Variants in SCLT1 observed in about 807,000 individuals in gnomAD.
SCLT1 encodes the protein sodium channel and clathrin linker 1.
SCLT1 carries 78 observed loss-of-function variants against 112.8 expected under a neutral mutation model. That is an observed-to-expected ratio of 0.69 (90% CI 0.58 to 0.83). The LOEUF (loss-of-function observed/expected upper bound fraction) is 0.83, where lower values mean the gene tolerates loss of function less well. SCLT1 is among the 40% of genes least tolerant of loss of function. The pLI is 0.00. For synonymous variants in SCLT1, 257 were observed against 254.7 expected (o/e 1.01, Z -0.09); for missense variants, 747 against 770.4 (o/e 0.97, Z 0.36).
chr4:129,058,638 C>A (rs2118045), intron 2 of SCLT1, among the ~76,000 whole-genome samples: 84,386 of 151,956 alleles, frequency 0.56, 25,521 homozygotes, highest in South Asian at 0.68. Context: ...AATATGATAT[C>A]TCATGGAGAA....
intron 9 of SCLT1, among the ~76,000 whole-genome samples, chr4:128,991,834 T>C (rs1327621323): frequency 6.6e-6 from 1 of 151,788 alleles, no homozygotes; most frequent in Non-Finnish European, 1.5e-5. Flanking sequence ...ATATAATCTA[T>C]TTGCATTTAC....
chr4:128,948,369 AG>A, intron 15 of SCLT1, 126 bp downstream of exon 15: 4 of 1,104,280 alleles, frequency 3.6e-6, no homozygotes, highest in African/African-American at 1.6e-5. Flanking sequence ...AGAAAAGAAA[AG>A]AAAAACTTAC....
At chr4:128,930,787 G>C (rs1344780232) in intron 18 of SCLT1, among the ~76,000 whole-genome samples, 1 of 152,044 alleles carries the variant, frequency 6.6e-6, no homozygotes, top group Non-Finnish European at 1.5e-5. Context: ...CAAGACATAT[G>C]GTAAATGTTC....
intron 3 of SCLT1, 33 bp downstream of exon 3, chr4:129,043,960 G>C (rs754200905): frequency 4.8e-6 from 5 of 1,051,052 alleles, no homozygotes; most frequent in Non-Finnish European, 5.8e-6. Context: ...TAAATATAAC[G>C]AAGAAAATGA....
intron 18 of SCLT1, among the ~76,000 whole-genome samples, chr4:128,901,320 A>G (rs1436708681): frequency 1.3e-5 from 2 of 152,178 alleles, no homozygotes; most frequent in African/African-American, 4.8e-5. Context: ...GCACATATAC[A>G]CCATGGAATA....
chr4:129,073,412 C>T (rs1429887483), intron 2 of SCLT1, among the ~76,000 whole-genome samples: 2 of 152,122 alleles, frequency 1.3e-5, no homozygotes, highest in East Asian at 3.9e-4. Flanking sequence ...TATTACTTCT[C>T]AAGTTTCTTA....
intron 5 of SCLT1, among the ~76,000 whole-genome samples, chr4:129,027,297 C>T (rs1746200821): frequency 6.6e-6 from 1 of 152,096 alleles, no homozygotes; most frequent in South Asian, 2.1e-4. Flanking sequence ...ATGCAAAAAT[C>T]CTCAATAAAA....
intron 5 of SCLT1, among the ~76,000 whole-genome samples, chr4:129,031,296 T>C (rs952213634): frequency 9.9e-5 from 15 of 152,132 alleles, no homozygotes; most frequent in Non-Finnish European, 2.1e-4. Flanking sequence ...AAACTAGGTA[T>C]TAATGGAGCA....
At chr4:128,889,893 T>C (rs1165980889) in intron 19 of SCLT1, among the ~76,000 whole-genome samples, 1 of 152,208 alleles carries the variant, frequency 6.6e-6, no homozygotes, top group African/African-American at 2.4e-5. Flanking sequence ...TGTCCTAACA[T>C]ACAAGTGATA....
At chr4:129,013,965 C>T (rs571614066) in intron 5 of SCLT1, among the ~76,000 whole-genome samples, 5 of 152,274 alleles carry the variant, frequency 3.3e-5, no homozygotes, top group Admixed American at 6.5e-5. Flanking sequence ...GATTTGGTCT[C>T]TTTACATAAT....
chr4:129,060,198 CTT>C (rs1209622476), intron 2 of SCLT1, among the ~76,000 whole-genome samples: 7 of 152,070 alleles, frequency 4.6e-5, no homozygotes, highest in Admixed American at 1.3e-4. Flanking sequence ...AGTGATTTCT[CTT>C]TGTTAAATTT....
chr4:129,025,021 C>T (rs1219041610), intron 5 of SCLT1, among the ~76,000 whole-genome samples: 1 of 152,180 alleles, frequency 6.6e-6, no homozygotes, highest in Admixed American at 6.5e-5. Flanking sequence ...AAGAAACAAA[C>T]AAAGCCTCCA....
At chr4:128,966,509 C>T (rs542713967) in intron 10 of SCLT1, among the ~76,000 whole-genome samples, 38 of 152,220 alleles carry the variant, frequency 2.5e-4, no homozygotes, top group South Asian at 6.2e-4. Flanking sequence ...CCATCAAATA[C>T]GGTGTTATTA....
chr4:128,987,650 G>T (rs978247762), intron 9 of SCLT1, among the ~76,000 whole-genome samples: 4 of 151,780 alleles, frequency 2.6e-5, no homozygotes, highest in African/African-American at 4.8e-5. Flanking sequence ...CACACTCAGA[G>T]GTGAAAAAAA....
chr4:129,059,476 T>C (rs1749755503), intron 2 of SCLT1, among the ~76,000 whole-genome samples: 1 of 152,198 alleles, frequency 6.6e-6, no homozygotes, highest in Admixed American at 6.5e-5. Context: ...TTATGTGCTC[T>C]CATGATAGCA....
chr4:128,896,930 G>C (rs1306100505), intron 18 of SCLT1, among the ~76,000 whole-genome samples: 1 of 152,150 alleles, frequency 6.6e-6, no homozygotes, highest in Non-Finnish European at 1.5e-5. Context: ...ATCAGTGATG[G>C]AAGATCAAAT....
intron 2 of SCLT1, among the ~76,000 whole-genome samples, chr4:129,079,267 A>G (rs1751725306): frequency 6.6e-6 from 1 of 152,114 alleles, no homozygotes; most frequent in African/African-American, 2.4e-5. Flanking sequence ...ATTAACTCAA[A>G]AGTCCACAGT....
intron 2 of SCLT1, 68 bp from the exon 3 acceptor site, chr4:129,044,119 T>C: frequency 2.7e-6 from 2 of 751,454 alleles, no homozygotes; most frequent in South Asian, 1.6e-5. Context: ...AGTGATATAA[T>C]ATTAAATGCA....
At chr4:129,036,034 C>T (rs1465327964) in intron 5 of SCLT1, among the ~76,000 whole-genome samples, 2 of 151,788 alleles carry the variant, frequency 1.3e-5, no homozygotes, top group Non-Finnish European at 2.9e-5. Flanking sequence ...TTATTTAAAC[C>T]TGTCCATGTA....
Sources: allele counts gnomAD v4.1 joint callset (sites outside exome capture counted in the v4.1 genomes callset), GRCh38; gene constraint gnomAD v4.1.1; transcripts MANE v1.5; gene names NCBI Gene and HGNC (gene_info 2026-07-23, HGNC 2026-07-21).